Variants in CA10 observed in about 807,000 individuals in gnomAD.
The protein encoded by CA10 is carbonic anhydrase-related protein 10.
In CA10, 14 loss-of-function variants were observed where a neutral mutation model predicts 44.2. That is an observed-to-expected ratio of 0.32 (90% CI 0.21 to 0.50). CA10 has a LOEUF of 0.50. CA10 is among the 20% of genes least tolerant of loss of function. The pLI is 0.99. For synonymous variants in CA10, 159 were observed against 141.6 expected, an observed-to-expected ratio of 1.12 and a Z score of -0.87; for missense variants, 350 against 409.7, an observed-to-expected ratio of 0.85 and a Z score of 1.26.
chr17:51,735,852 T>C (rs1416107559), intron 4 of CA10, among the ~76,000 whole-genome samples: 1 of 151,614 alleles, frequency 6.6e-6, no homozygotes, highest in South Asian at 2.1e-4. Context: ...GACTATATAC[T>C]GTATAAGTCC....
chr17:51,821,285 C>T (rs1907785539), intron 3 of CA10, among the ~76,000 whole-genome samples: 1 of 151,650 alleles, frequency 6.6e-6, no homozygotes, highest in African/African-American at 2.4e-5. Context: ...ACAGGTGAAT[C>T]CCTAACCACC....
intron 3 of CA10, among the ~76,000 whole-genome samples, chr17:51,846,758 C>T (rs192492932): frequency 7.2e-5 from 11 of 152,278 alleles, no homozygotes; most frequent in Admixed American, 2.6e-4. Context: ...CTAATGCTGT[C>T]GCGCTTGCTC....
intron 3 of CA10, among the ~76,000 whole-genome samples, chr17:51,878,591 T>C (rs1346738592): frequency 7.9e-5 from 12 of 151,900 alleles, no homozygotes; most frequent in Admixed American, 2.0e-4. Flanking sequence ...GGTTCATATC[T>C]GCAAATTGTG....
At chr17:52,064,979 G>T (rs1461248457) in intron 2 of CA10, among the ~76,000 whole-genome samples, 1 of 152,144 alleles carries the variant, frequency 6.6e-6, no homozygotes, top group Non-Finnish European at 1.5e-5. Context: ...TTATTTCCAG[G>T]ATCTCCATCC....
chr17:52,129,642 C>A (rs1164054640), intron 1 of CA10, among the ~76,000 whole-genome samples: 1 of 152,168 alleles, frequency 6.6e-6, no homozygotes, highest in Non-Finnish European at 1.5e-5. Context: ...GTACATAGTA[C>A]TAAATAGTAA....
chr17:51,845,644 C>G (rs1007292397), intron 3 of CA10, among the ~76,000 whole-genome samples: 1 of 152,204 alleles, frequency 6.6e-6, no homozygotes, highest in African/African-American at 2.4e-5. Flanking sequence ...AAAATGCACT[C>G]AGCATTGAAC....
chr17:51,831,707 A>AGCGGCAGCGGCAGCAGCGGCAGCG (rs1567854624), intron 3 of CA10, among the ~76,000 whole-genome samples: 4 of 98,208 alleles, frequency 4.1e-5, no homozygotes, highest in South Asian at 3.3e-4. Flanking sequence ...CAGCAGCAGC[A>AGCGGCAGCGGCAGCAGCGGCAGCG]GCAGCAGCAG....
At chr17:51,718,424 T>A (rs1229953897) in intron 4 of CA10, among the ~76,000 whole-genome samples, 2 of 152,152 alleles carry the variant, frequency 1.3e-5, no homozygotes, top group Non-Finnish European at 2.9e-5. Context: ...AAGCCTCCAA[T>A]AAACACTCAA....
At chr17:51,879,428 C>G (rs538014665) in intron 3 of CA10, among the ~76,000 whole-genome samples, 32 of 152,284 alleles carry the variant, frequency 2.1e-4, no homozygotes, top group Admixed American at 4.6e-4. Flanking sequence ...ATTCTACTCT[C>G]TATTCTACTT....
chr17:52,010,994 C>T lies in CA10; in HGVS notation c.136+61325G>A, dbSNP rs184342401. Reference sequence around the variant, plus strand: ...ATGCTACAAACACACAAGCAGTTGGCGGGGGCGGGGGAGGGGGCACAGAGA... The same window carrying T: ...ATGCTACAAACACACAAGCAGTTGGTGGGGGCGGGGGAGGGGGCACAGAGA... On this transcript the variant is annotated intron_variant, in intron 2 of 8. Coordinates refer to ENST00000451037, the MANE Select transcript of CA10 (RefSeq NM_020178.5). Among the ~76,000 whole-genome samples the T allele has an allele frequency of 6.0e-4, 23 of 38,096 alleles. No individual in the cohort carries two copies. In the East Asian group the frequency reaches 6.2e-3, roughly 10 times the overall value. The allele number at this position is 38,096 out of a possible 152,430, so 25.0% of individuals were successfully genotyped here. A position where few individuals can be genotyped will look rare whatever the true frequency, so the allele number is the denominator to read the frequency against.
At chr17:52,024,113 A>G (rs1219362412) in intron 2 of CA10, among the ~76,000 whole-genome samples, 2 of 151,974 alleles carry the variant, frequency 1.3e-5, no homozygotes, top group Admixed American at 1.3e-4. Context: ...GGGCTTCATA[A>G]CCTCAGTTAC....
chr17:51,783,484 G>C (rs555033759), intron 3 of CA10, among the ~76,000 whole-genome samples: 1 of 152,140 alleles, frequency 6.6e-6, no homozygotes, highest in Non-Finnish European at 1.5e-5. Context: ...AGGTCAAGTC[G>C]CTTTCCCATT....
At chr17:51,815,498 C>G (rs549096011) in intron 3 of CA10, among the ~76,000 whole-genome samples, 2 of 152,226 alleles carry the variant, frequency 1.3e-5, no homozygotes, top group African/African-American at 4.8e-5. Flanking sequence ...TGAACTCCTC[C>G]CTGCCTCTTA....
intron 3 of CA10, among the ~76,000 whole-genome samples, chr17:51,791,781 C>T (rs1906526228): frequency 6.6e-6 from 1 of 152,176 alleles, no homozygotes; most frequent in Non-Finnish European, 1.5e-5. Flanking sequence ...TTCCCACTTA[C>T]TATTCATAGA....
chr17:51,717,666 CATGTATAT>C (rs1184876938), intron 4 of CA10, among the ~76,000 whole-genome samples: 11 of 70,322 alleles, frequency 1.6e-4, no homozygotes, highest in South Asian at 1.4e-3. Context: ...CGTATATATA[CATGTATAT>C]ATGTATATAT....
rs534310946 is a variant in CA10 at position 52,097,876 on chromosome 17, AC to A, written c.62-25484del. ...TTTAACAGATATTCACCCTCTCACC[AC>A]ACCATTTATTAAAATAGACATTTCT... is the stretch of plus-strand genomic sequence containing the variant. On this transcript the variant is annotated intron_variant, in intron 1 of 8. Transcript: ENST00000451037. Among the ~76,000 whole-genome samples, 18 of 152,314 alleles carry A rather than the reference AC, an allele frequency of 1.2e-4. No homozygotes were observed. In the South Asian group the frequency reaches 3.1e-3, roughly 26 times the overall value.
At chr17:51,770,789 AAG>A (rs999272474) in intron 3 of CA10, among the ~76,000 whole-genome samples, 16 of 151,958 alleles carry the variant, frequency 1.1e-4, no homozygotes, top group African/African-American at 3.4e-4. Context: ...AAGTGGGAGC[AAG>A]AGAGAGATAG....
At chr17:51,829,495 A>G (rs1908149974) in intron 3 of CA10, among the ~76,000 whole-genome samples, 1 of 152,192 alleles carries the variant, frequency 6.6e-6, no homozygotes. Context: ...TACGTTGAAA[A>G]GCTTCATGCT....
intron 3 of CA10, among the ~76,000 whole-genome samples, chr17:51,800,187 G>T (rs762846931): frequency 6.6e-6 from 1 of 152,070 alleles, no homozygotes; most frequent in Non-Finnish European, 1.5e-5. Context: ...ATGAAGTACC[G>T]GTACATGCTA....
Sources: gnomAD v4.1 joint callset for allele counts (sites outside exome capture counted in the v4.1 genomes callset) on GRCh38, gnomAD v4.1.1 for gene constraint, MANE v1.5 for transcripts, NCBI Gene and HGNC (gene_info 2026-07-23, HGNC 2026-07-21) for gene names.